Variants in SNX9 observed in about 807,000 individuals in gnomAD.
SNX9 encodes the protein sorting nexin-9.
Under a neutral mutation model 89.4 loss-of-function variants are expected in SNX9, and 44 were observed. The ratio of observed to expected loss-of-function variants is 0.49; its 90% CI spans 0.39 to 0.63. SNX9 has a LOEUF of 0.63. Among genes scored for constraint, SNX9 ranks in the 30% least tolerant of loss-of-function variants. The pLI is 0.00. For synonymous variants in SNX9, 236 were observed against 247.8 expected, an observed-to-expected ratio of 0.95 and a Z score of 0.45; for missense variants, 578 against 736.1, an observed-to-expected ratio of 0.79 and a Z score of 2.49.
intron 7 of SNX9, among the ~76,000 whole-genome samples, chr6:157,907,451 T>C (rs1275802524): frequency 6.6e-6 from 1 of 152,048 alleles, no homozygotes; most frequent in Admixed American, 6.5e-5. Context: ...CTAGCTAATT[T>C]TTTTTGTATT....
At chr6:157,839,181 G>A (rs902095116) in intron 1 of SNX9, among the ~76,000 whole-genome samples, 2 of 151,996 alleles carry the variant, frequency 1.3e-5, no homozygotes, top group African/African-American at 4.8e-5. Context: ...TTGTCCTTGT[G>A]TATAATTACT....
In SNX9 at chr6:157,910,943, A is replaced by C. The variant is rs993484695; in HGVS notation, c.949+918A>C. On this transcript the variant is annotated intron_variant, in intron 9 of 17. Transcript: ENST00000392185. ...GAGACCATCCAGGCTAACACGGTGTAACCCTGTCTCTACTAAAAAATTAGC... is the reference window on the plus strand; with the variant it reads ...GAGACCATCCAGGCTAACACGGTGTCACCCTGTCTCTACTAAAAAATTAGC... Among the ~76,000 whole-genome samples, 8 of 152,030 alleles carry C rather than the reference A, an allele frequency of 5.3e-5. No individual in the cohort carries two copies. In the East Asian group the frequency reaches 1.5e-3, roughly 29 times the overall value.
Position 157,827,442 on chromosome 6 carries a change from ATTATAGTTTATATAATATATAAAC to A in SNX9, c.12+4045_12+4068del, listed in dbSNP as rs1583185904. ...TAGTTTATATAATATATAAACATAT[ATTATAGTTTATATAATATATAAAC>A]TTATAGTTTATATAATATATAAACT... On this transcript the variant is annotated intron_variant, in intron 1 of 17. Coordinates refer to ENST00000392185, the MANE Select transcript of SNX9 (RefSeq NM_016224.5). Among the ~76,000 whole-genome samples the A allele has an allele frequency of 1.8e-3, 11 of 6,232 alleles. 3 individuals carry two copies. The highest frequency in any genetic ancestry group is 0.012 in the Admixed American group (5 of 424). 4.1% of individuals were successfully genotyped at this position (6,232 alleles called of 152,430 possible). A position where few individuals can be genotyped will look rare whatever the true frequency, so the allele number is the denominator to read the frequency against.
chr6:157,901,108 A>G (rs544917587), intron 5 of SNX9, among the ~76,000 whole-genome samples: 2 of 152,306 alleles, frequency 1.3e-5, no homozygotes, highest in East Asian at 3.9e-4. Flanking sequence ...CTGACTGCAC[A>G]TCCATTCATA....
intron 4 of SNX9, among the ~76,000 whole-genome samples, chr6:157,880,973 G>A (rs886749793): frequency 3.3e-5 from 5 of 152,214 alleles, no homozygotes; most frequent in Non-Finnish European, 4.4e-5. Context: ...TTTAATAATT[G>A]TTAATTATAG....
chr6:157,904,896 A>G (rs75462624), intron 6 of SNX9, among the ~76,000 whole-genome samples: 2,290 of 152,316 alleles, frequency 0.015, 64 homozygotes, highest in African/African-American at 0.052. Flanking sequence ...AGAATCACAA[A>G]ATATGCTCAA....
rs577099181 is a variant in SNX9 at position 157,824,204 on chromosome 6, T to C, written c.12+758T>C. Among the ~76,000 whole-genome samples the C allele has an allele frequency of 5.3e-5, 8 of 152,194 alleles. No homozygotes were observed. In the South Asian group the frequency reaches 1.7e-3, roughly 32 times the overall value. ...GCGGTGGTTTGCTTGTTTTACGTTA[T>C]TGTTTATGAAATTAGCAGTCACTCT... On this transcript the variant is annotated intron_variant, in intron 1 of 17. Transcript: ENST00000392185.
chr6:157,828,570 G>A (rs1416730760), intron 1 of SNX9, among the ~76,000 whole-genome samples: 6 of 151,848 alleles, frequency 4.0e-5, no homozygotes, highest in Non-Finnish European at 8.8e-5. Flanking sequence ...CACAGCTCAC[G>A]GCAGTCTCGA....
chr6:157,847,239 A>G (rs559283743), intron 1 of SNX9, among the ~76,000 whole-genome samples: 1 of 152,158 alleles, frequency 6.6e-6, no homozygotes, highest in African/African-American at 2.4e-5. Flanking sequence ...GTTAGCTGAG[A>G]CCACAGGTGT....
chr6:157,919,835 A>G (rs1783547707), intron 9 of SNX9, among the ~76,000 whole-genome samples: 1 of 152,134 alleles, frequency 6.6e-6, no homozygotes, highest in African/African-American at 2.4e-5. Flanking sequence ...AATATATTTT[A>G]GCAACTCCAG....
chr6:157,928,896 G>C (rs1380293354), intron 12 of SNX9, among the ~76,000 whole-genome samples, 194 bp downstream of exon 12: 1 of 152,136 alleles, frequency 6.6e-6, no homozygotes, highest in African/African-American at 2.4e-5. Flanking sequence ...AGCAAAGCCA[G>C]GTTAAGAAAT....
chr6:157,870,248 A>G lies in SNX9; in HGVS notation c.99+2615A>G, dbSNP rs556212030. Among the ~76,000 whole-genome samples, 104 of 142,976 alleles carry G rather than the reference A, an allele frequency of 7.3e-4. 1 individual carries two copies. The highest frequency in any genetic ancestry group is 1.4e-4 in the Non-Finnish European group (9 of 65,858). The allele number at this position is 142,976 out of a possible 152,430, so 93.8% of individuals were successfully genotyped here. A position where few individuals can be genotyped will look rare whatever the true frequency, so the allele number is the denominator to read the frequency against. On this transcript the variant is annotated intron_variant, in intron 2 of 17. Coordinates refer to ENST00000392185, the MANE Select transcript of SNX9 (RefSeq NM_016224.5). ...CACACACATCCCCTCAGACACTCTCACCTGCTCTCTCACATCCCCACGCTC... is the reference window on the plus strand; with the variant it reads ...CACACACATCCCCTCAGACACTCTCGCCTGCTCTCTCACATCCCCACGCTC...
chr6:157,849,890 C>G (rs1781876191), intron 1 of SNX9, among the ~76,000 whole-genome samples: 1 of 152,060 alleles, frequency 6.6e-6, no homozygotes, highest in Non-Finnish European at 1.5e-5. Flanking sequence ...AAGTCTGAAC[C>G]TCAGGAGGAA....
rs745633109 is a variant in SNX9, at chr6:157,909,666, T to C, written c.707T>C (p.Val236Ala). Reference sequence around the variant, plus strand: ...CTTCTTTCTGGAACATTGGCATAGGTTGGAGATTATGGCCCAATGTGGGTT... The same window carrying C: ...CTTCTTTCTGGAACATTGGCATAGGCTGGAGATTATGGCCCAATGTGGGTT... ...AKPKEKIPII[V>A]GDYGPMWVYP... The change falls in exon 8 of 18, where the codon GTT becomes GCT. Residue 236 changes from valine (V) to alanine (A), a missense_variant and splice_region_variant. Physicochemically the swap from Val to Ala is moderately conservative, Grantham distance 64 (BLOSUM62 0). Around this residue, in one of 2 missense-constraint regions of SNX9, gnomAD observed 348 missense variants for 491.4 expected, o/e 0.71. Coordinates refer to ENST00000392185, the MANE Select transcript of SNX9 (RefSeq NM_016224.5). 6.2e-7 allele frequency: 1 copy of C among 1,613,642 alleles called. No individual in the cohort carries two copies. The highest frequency in any genetic ancestry group is 8.5e-7 in the Non-Finnish European group (1 of 1,179,898).
At chr6:157,833,895 C>G (rs897516297) in intron 1 of SNX9, among the ~76,000 whole-genome samples, 2 of 152,208 alleles carry the variant, frequency 1.3e-5, no homozygotes, top group African/African-American at 4.8e-5. Flanking sequence ...AAGCCAAACA[C>G]TGAAGCACCA....
intron 2 of SNX9, among the ~76,000 whole-genome samples, 155 bp downstream of exon 2, chr6:157,867,788 T>TAGAA (rs1782298566): frequency 1.3e-5 from 2 of 152,230 alleles, no homozygotes; most frequent in African/African-American, 4.8e-5. Context: ...CCCACATGAT[T>TAGAA]TTTTTCCTGT....
At chr6:157,885,885 A>G (rs942052855) in intron 4 of SNX9, among the ~76,000 whole-genome samples, 3 of 152,238 alleles carry the variant, frequency 2.0e-5, no homozygotes, top group African/African-American at 4.8e-5. Context: ...AAGAGCTGCG[A>G]CCACTCACAG....
chr6:157,842,715 G>T (rs1781727208), intron 1 of SNX9, among the ~76,000 whole-genome samples: 1 of 152,162 alleles, frequency 6.6e-6, no homozygotes, highest in African/African-American at 2.4e-5. Context: ...AACTGGTTGG[G>T]CCAGGTTACT....
chr6:157,908,502 C>T (rs1783265450), intron 7 of SNX9, among the ~76,000 whole-genome samples: 1 of 152,156 alleles, frequency 6.6e-6, no homozygotes, highest in African/African-American at 2.4e-5. Context: ...GCAGTCTGAA[C>T]CTCTAGAATC....
Sources: allele counts gnomAD v4.1 joint callset (sites outside exome capture counted in the v4.1 genomes callset), GRCh38; gene constraint gnomAD v4.1.1; regional missense constraint gnomAD v4.1.1; transcripts MANE v1.5; gene names NCBI Gene and HGNC (gene_info 2026-07-23, HGNC 2026-07-21).